The following ASIC2 variants were observed in gnomAD, a reference collection of about 807,000 sequenced individuals.
ASIC2 encodes acid sensing ion channel subunit 2, also known as acid-sensing ion channel 2.
Under a neutral mutation model 57.3 loss-of-function variants are expected in ASIC2, and 25 were observed. That is an observed-to-expected ratio of 0.44 (90% CI 0.32 to 0.61). The LOEUF is 0.61. Among genes scored for constraint, ASIC2 ranks in the 20% least tolerant of loss-of-function variants. The pLI, the probability that ASIC2 is intolerant of heterozygous loss-of-function variation, is 0.06. For missense variants in ASIC2, 641 were observed against 738.1 expected (o/e 0.87, Z 1.52); for synonymous variants, 319 against 307.5 (o/e 1.04, Z -0.39).
At chr17:33,826,028 G>A (rs1912897243) in intron 1 of ASIC2, among the ~76,000 whole-genome samples, 1 of 152,192 alleles carries the variant, frequency 6.6e-6, no homozygotes, top group African/African-American at 2.4e-5. Flanking sequence ...CATTAGCTAT[G>A]TGGATACTTT....
chr17:34,086,671 T>C (rs1910123367), intron 1 of ASIC2, among the ~76,000 whole-genome samples: 1 of 152,200 alleles, frequency 6.6e-6, no homozygotes, highest in Non-Finnish European at 1.5e-5. Context: ...TGTGTGGGAC[T>C]CTAAGTCTCT....
At chr17:33,745,608 A>T (rs1910237334) in intron 1 of ASIC2, among the ~76,000 whole-genome samples, 1 of 152,144 alleles carries the variant, frequency 6.6e-6, no homozygotes, top group African/African-American at 2.4e-5. Flanking sequence ...TCTTACCAGA[A>T]ACAATGTAAG....
At chr17:33,694,266 T>C (rs941873658) in intron 1 of ASIC2, among the ~76,000 whole-genome samples, 2 of 152,178 alleles carry the variant, frequency 1.3e-5, no homozygotes, top group African/African-American at 4.8e-5. Context: ...AAACTTGAGT[T>C]CTTCATATGA....
rs1327989257 is a variant in ASIC2, at chr17:33,291,967, C to T, written c.149G>A (p.Gly50Glu). Residue 50 changes from glycine (G) to glutamate (E), a missense_variant, in exon 1 of 10, where the codon GGG becomes GAG. This residue lies in a region of ASIC2 where 382 missense variants were observed against 398.0 expected (regional missense o/e 0.96). Coordinates refer to ENST00000225823, the MANE Select transcript of ASIC2 (RefSeq NM_183377.2). ...CCGCCCCCTGCGGGCGACCCCTGGC[C>T]CCTGCAGCGCCCGCTCGCCGCCTCT... The part of the protein sequence containing the change: ...GGRGGERALQ[G>E]PGVARRGRPS... 4 of 1,332,530 alleles carry T rather than the reference C, an allele frequency of 3.0e-6. No individual in the cohort carries two copies. The highest frequency in any genetic ancestry group is 3.8e-6 in the Non-Finnish European group (4 of 1,053,036). 82.5% of individuals were successfully genotyped at this position (1,332,530 alleles called of 1,614,324 possible).
intron 1 of ASIC2, among the ~76,000 whole-genome samples, chr17:33,120,076 G>T (rs950072082): frequency 6.6e-6 from 1 of 152,206 alleles, no homozygotes; most frequent in Non-Finnish European, 1.5e-5. Flanking sequence ...CCTAGCCCAA[G>T]GTCCTACAGC....
At chr17:33,762,509 C>T (rs1910814898) in intron 1 of ASIC2, among the ~76,000 whole-genome samples, 1 of 152,124 alleles carries the variant, frequency 6.6e-6, no homozygotes, top group African/African-American at 2.4e-5. Context: ...ATTATAGTCA[C>T]CATTTCATGG....
At chr17:33,567,406 C>T (rs943948924) in intron 1 of ASIC2, among the ~76,000 whole-genome samples, 1 of 152,144 alleles carries the variant, frequency 6.6e-6, no homozygotes, top group African/African-American at 2.4e-5. Flanking sequence ...CTCACTGGGC[C>T]ACTGCAAAGA....
chr17:33,373,188 T>C (rs1295928341), intron 1 of ASIC2, among the ~76,000 whole-genome samples: 1 of 152,240 alleles, frequency 6.6e-6, no homozygotes, highest in Non-Finnish European at 1.5e-5. Context: ...ATGGGTTCCA[T>C]AGAGCATGTA....
At chr17:33,090,158 C>G (rs2092151820) in intron 2 of ASIC2, among the ~76,000 whole-genome samples, 1 of 152,228 alleles carries the variant, frequency 6.6e-6, no homozygotes, top group Non-Finnish European at 1.5e-5. Context: ...AAATGCATCT[C>G]CTTCTGCCCA....
intron 1 of ASIC2, among the ~76,000 whole-genome samples, chr17:33,922,925 G>A (rs987886165): frequency 1.3e-5 from 2 of 152,112 alleles, no homozygotes; most frequent in Non-Finnish European, 2.9e-5. Flanking sequence ...TAGGCTGCGT[G>A]GCAGATGCTG....
intron 1 of ASIC2, among the ~76,000 whole-genome samples, chr17:33,907,373 T>C (rs190180133): frequency 2.6e-5 from 4 of 152,332 alleles, no homozygotes; most frequent in Admixed American, 6.5e-5. Context: ...CTAAGAAGCA[T>C]TGGAGAAGGC....
chr17:33,787,196 T>G (rs1911626114), intron 1 of ASIC2, among the ~76,000 whole-genome samples: 1 of 152,206 alleles, frequency 6.6e-6, no homozygotes, highest in Non-Finnish European at 1.5e-5. Context: ...CAACAATTAT[T>G]TCCAAAGTTG....
At chr17:33,737,463 C>T (rs9913549) in intron 1 of ASIC2, among the ~76,000 whole-genome samples, 1 of 150,706 alleles carries the variant, frequency 6.6e-6, no homozygotes, top group Non-Finnish European at 1.5e-5. Flanking sequence ...GGCTTGCTTC[C>T]TCACATTTGA....
intron 1 of ASIC2, among the ~76,000 whole-genome samples, chr17:33,586,834 C>T (rs2142002731): frequency 6.6e-6 from 1 of 152,278 alleles, no homozygotes; most frequent in African/African-American, 2.4e-5. Context: ...CCACGATCTG[C>T]AATTATCTTC....
chr17:33,500,169 A>G (rs540262786), intron 1 of ASIC2, among the ~76,000 whole-genome samples: 1 of 152,354 alleles, frequency 6.6e-6, no homozygotes, highest in South Asian at 2.1e-4. Flanking sequence ...TGGGAACTGT[A>G]AGTAGGAATA....
intron 1 of ASIC2, among the ~76,000 whole-genome samples, chr17:33,408,584 C>T (rs983715704): frequency 4.6e-5 from 7 of 152,326 alleles, no homozygotes; most frequent in African/African-American, 1.7e-4. Flanking sequence ...TTATTAGATG[C>T]TTGACAACAC....
At chr17:33,499,021 G>A (rs1914024393) in intron 1 of ASIC2, among the ~76,000 whole-genome samples, 1 of 152,200 alleles carries the variant, frequency 6.6e-6, no homozygotes, top group Non-Finnish European at 1.5e-5. Flanking sequence ...TACTGCTTAG[G>A]CAATTGTTGG....
intron 1 of ASIC2, among the ~76,000 whole-genome samples, chr17:33,402,990 G>A (rs918783306): frequency 4.6e-5 from 7 of 152,216 alleles, no homozygotes; most frequent in Non-Finnish European, 1.0e-4. Flanking sequence ...TGGAGAAATA[G>A]GAACGCTTTT....
At chr17:33,226,993 A>T (rs1907905740) in intron 1 of ASIC2, among the ~76,000 whole-genome samples, 1 of 123,570 alleles carries the variant, frequency 8.1e-6, no homozygotes, top group African/African-American at 3.4e-5. Flanking sequence ...ATATTATTGA[A>T]AAAAAGGTCA....
Sources: gnomAD v4.1 joint callset for allele counts (sites outside exome capture counted in the v4.1 genomes callset) on GRCh38, gnomAD v4.1.1 for gene constraint, gnomAD v4.1.1 regional missense constraint, MANE v1.5 for transcripts, NCBI Gene and HGNC (gene_info 2026-07-23, HGNC 2026-07-21) for gene names.